The following NOCT variants were observed in gnomAD, a reference collection of about 807,000 sequenced individuals.
NOCT encodes nocturnin, also known as CCR4 carbon catabolite repression 4-like.
NOCT carries 18 observed loss-of-function variants against 35.0 expected under a neutral mutation model. That is an observed-to-expected ratio of 0.51 (90% CI 0.36 to 0.76). NOCT has a LOEUF of 0.76. NOCT is among the 30% of genes least tolerant of loss of function. The pLI is 0.01. For missense variants in NOCT, 479 were observed against 541.0 expected, an observed-to-expected ratio of 0.89 and a Z score of 1.14; for synonymous variants, 235 against 226.3, an observed-to-expected ratio of 1.04 and a Z score of -0.34.
At position 139,043,177 on chromosome 4, in the gene NOCT, C is replaced by G; in HGVS notation, c.294C>G (p.Asp98Glu). 6.2e-7 allele frequency: 1 copy of G among 1,614,140 alleles called. No homozygotes were observed. Among genetic ancestry groups the G allele is most frequent in the Non-Finnish European group, 8.5e-7 (1 of 1,180,010 alleles). Residue 98 changes from aspartate to glutamate, a missense_variant, in exon 2 of 3, where the codon GAC (aspartate) becomes GAG (glutamate). Asp to Glu is a conservative substitution (Grantham distance 45). Around this residue, in one of 2 missense-constraint regions of NOCT, gnomAD observed 265 missense variants for 257.0 expected, o/e 1.03. Transcript: ENST00000280614. ...SQHPEYLVSP[D>E]PEHLEPIDPK... ...ACCCAGAGTATTTGGTGTCACCTGA[C>G]CCAGAGCATCTGGAGCCCATTGATC...
chr4:139,039,370 AT>A (rs11353325), intron 1 of NOCT, among the ~76,000 whole-genome samples: 143,360 of 150,860 alleles, frequency 0.95, 68,344 homozygotes, highest in Middle Eastern at 0.99. Flanking sequence ...TGACAATCTG[AT>A]TTTTTTTTTT....
chr4:139,017,751 G>A (rs1287380949), intron 1 of NOCT, among the ~76,000 whole-genome samples: 1 of 151,590 alleles, frequency 6.6e-6, no homozygotes, highest in Non-Finnish European at 1.5e-5. Context: ...AGCCGAGATC[G>A]CACCATTGCA....
At chr4:139,024,349 G>A (rs1434354539) in intron 1 of NOCT, among the ~76,000 whole-genome samples, 1 of 152,000 alleles carries the variant, frequency 6.6e-6, no homozygotes, top group African/African-American at 2.4e-5. Flanking sequence ...ACCTAGCCAG[G>A]CCTCCATTCA....
In NOCT at chr4:139,045,242, G is replaced by A. The variant is rs1726911519; in HGVS notation, c.1064G>A (p.Gly355Glu). The change falls in exon 3 of 3, where the codon GGG becomes GAG. Residue 355 changes from glycine (G) to glutamate (E), a missense_variant. Gly to Glu is a moderately conservative substitution (Grantham distance 98, BLOSUM62 -2). Around this residue, in one of 2 missense-constraint regions of NOCT, gnomAD observed 214 missense variants for 284.0 expected, o/e 0.75. Coordinates refer to ENST00000280614, the MANE Select transcript of NOCT (RefSeq NM_012118.4). ...GCCTACAAGCTGCTGAGTGCTGATG[G>A]GCAGTCAGAACCCCCATACACTACC... is the stretch of plus-strand genomic sequence containing the variant. ...NSAYKLLSAD[G>E]QSEPPYTTWK... 1 of 1,614,126 alleles carries A rather than the reference G, an allele frequency of 6.2e-7. No homozygotes were observed. Among genetic ancestry groups the A allele is most frequent in the Non-Finnish European group, 8.5e-7 (1 of 1,180,006 alleles).
At chr4:139,028,339 G>T (rs1460122892) in intron 1 of NOCT, 2 of 152,370 alleles carry the variant, frequency 1.3e-5, no homozygotes, top group East Asian at 3.8e-4. Flanking sequence ...TGTCTGGTCT[G>T]TGACTGCCAC....
intron 1 of NOCT, among the ~76,000 whole-genome samples, chr4:139,041,197 G>A (rs1259024082): frequency 6.6e-6 from 1 of 152,144 alleles, no homozygotes; most frequent in Non-Finnish European, 1.5e-5. Context: ...AACAAAAAAA[G>A]CATGCTTGCA....
chr4:139,033,395 G>T (rs187568491), intron 1 of NOCT, among the ~76,000 whole-genome samples: 1 of 152,004 alleles, frequency 6.6e-6, no homozygotes, highest in African/African-American at 2.4e-5. Flanking sequence ...GTTAGGTGGG[G>T]TATGGTGGCT....
intron 1 of NOCT, among the ~76,000 whole-genome samples, chr4:139,034,237 T>C (rs1373285907): frequency 6.6e-6 from 1 of 151,838 alleles, no homozygotes; most frequent in East Asian, 1.9e-4. Flanking sequence ...CCCCACCTTA[T>C]TGGTATTAAT....
At position 139,015,976 on chromosome 4, in the gene NOCT, C is replaced by T. The variant is rs1053620398; in HGVS notation, c.-6C>T. The T allele has an allele frequency of 8.2e-5, 111 of 1,353,032 alleles. No homozygotes were observed. The highest frequency in any genetic ancestry group is 1.0e-4 in the Non-Finnish European group (109 of 1,056,726). 83.8% of individuals were successfully genotyped at this position (1,353,032 alleles called of 1,614,324 possible). ...GCGAGGGGCCGTGGTGGCGGCGGCG[C>T]CCGGCATGTTTCATAGTCCGCGGCG... is the stretch of plus-strand genomic sequence containing the variant. On this transcript the variant is annotated 5_prime_UTR_variant, in exon 1 of 3. Transcript: ENST00000280614.
chr4:139,040,747 T>C (rs1347669645), intron 1 of NOCT, among the ~76,000 whole-genome samples: 1 of 152,184 alleles, frequency 6.6e-6, no homozygotes, highest in Non-Finnish European at 1.5e-5. Flanking sequence ...ATATAAAATA[T>C]ACCATGGTGT....
intron 1 of NOCT, among the ~76,000 whole-genome samples, chr4:139,039,497 C>A (rs1726796655): frequency 6.7e-6 from 1 of 149,840 alleles, no homozygotes; most frequent in Non-Finnish European, 1.5e-5. Flanking sequence ...TCTTTTGTTC[C>A]CTTTCGTTGG....
chr4:139,018,220 G>A (rs1726347827), intron 1 of NOCT, among the ~76,000 whole-genome samples: 1 of 151,926 alleles, frequency 6.6e-6, no homozygotes, highest in African/African-American at 2.4e-5. Flanking sequence ...GGTAGGAAAA[G>A]TAAAAGAAAA....
intron 1 of NOCT, among the ~76,000 whole-genome samples, chr4:139,022,759 G>A (rs1267134904): frequency 6.6e-6 from 1 of 152,132 alleles, no homozygotes; most frequent in African/African-American, 2.4e-5. Flanking sequence ...TGCCCAGGCT[G>A]CTCTTGAGCT....
chr4:139,021,001 A>C (rs1221438651), intron 1 of NOCT, among the ~76,000 whole-genome samples: 1 of 146,838 alleles, frequency 6.8e-6, no homozygotes, highest in Non-Finnish European at 1.5e-5. Flanking sequence ...CAGGAGGCGG[A>C]GGTATCAGTG....
intron 1 of NOCT, among the ~76,000 whole-genome samples, chr4:139,024,528 T>C (rs1387661800): frequency 1.3e-5 from 2 of 152,176 alleles, no homozygotes; most frequent in Non-Finnish European, 2.9e-5. Context: ...TCAAGATGTG[T>C]GTGTGCCTGT....
At chr4:139,042,050 T>C (rs1054279775) in intron 1 of NOCT, among the ~76,000 whole-genome samples, 11 of 150,368 alleles carry the variant, frequency 7.3e-5, no homozygotes, top group Non-Finnish European at 1.5e-4. Flanking sequence ...ATTTCACTTT[T>C]TACAAACTAG....
At chr4:139,023,559 G>A (rs748092967) in intron 1 of NOCT, among the ~76,000 whole-genome samples, 8 of 152,072 alleles carry the variant, frequency 5.3e-5, no homozygotes, top group Non-Finnish European at 7.4e-5. Flanking sequence ...ACGATGGCGC[G>A]ATGTCAGCTC....
chr4:139,027,948 T>C (rs2148643857), intron 1 of NOCT, among the ~76,000 whole-genome samples: 1 of 152,160 alleles, frequency 6.6e-6, no homozygotes, highest in East Asian at 1.9e-4. Context: ...GCTGCCAGAG[T>C]TAGCTCATGG....
At position 139,027,873 on chromosome 4, in the gene NOCT, C is replaced by G. The variant is rs142543059; in HGVS notation, c.190+11702C>G. Among the ~76,000 whole-genome samples the G allele has an allele frequency of 1.7e-3, 264 of 152,168 alleles. 2 individuals carry two copies. The highest frequency in any genetic ancestry group is 6.1e-3 in the African/African-American group (253 of 41,512). On this transcript the variant is annotated intron_variant, in intron 1 of 2. Transcript: ENST00000280614. ...AATATTACTGTTCTTAAGGTTCCCC[C>G]CCTCCCCCTACCATTTAAAAATATA...
Sources: allele counts gnomAD v4.1 joint callset (sites outside exome capture counted in the v4.1 genomes callset), GRCh38; gene constraint gnomAD v4.1.1; regional missense constraint gnomAD v4.1.1; transcripts MANE v1.5; gene names NCBI Gene and HGNC (gene_info 2026-07-23, HGNC 2026-07-21).